The following DOCK4 variants were observed in gnomAD, a reference collection of about 807,000 sequenced individuals.
The protein encoded by DOCK4 is dedicator of cytokinesis protein 4.
DOCK4 carries 97 observed loss-of-function variants against 268.1 expected under a neutral mutation model. The ratio of observed to expected loss-of-function variants is 0.36; its 90% confidence interval spans 0.31 to 0.43. DOCK4 has a LOEUF of 0.43. Among genes scored for constraint, DOCK4 ranks in the 20% least tolerant of loss-of-function variants. DOCK4 has a pLI of 1.00. For synonymous variants in DOCK4, 954 were observed against 887.2 expected (o/e 1.08, Z -1.34); for missense variants, 2,145 against 2,455.7 (o/e 0.87, Z 2.67).
intron 8 of DOCK4, among the ~76,000 whole-genome samples, chr7:111,969,987 C>A (rs1293114939): frequency 2.0e-5 from 3 of 152,178 alleles, no homozygotes; most frequent in Non-Finnish European, 4.4e-5. Flanking sequence ...ATCTCCTCAC[C>A]AGCAAACTCA....
At chr7:112,067,724 A>T (rs1323621144) in intron 1 of DOCK4, among the ~76,000 whole-genome samples, 1 of 152,162 alleles carries the variant, frequency 6.6e-6, no homozygotes, top group Non-Finnish European at 1.5e-5. Flanking sequence ...TGTGGGGAAC[A>T]GGAAAGCTCC....
chr7:111,900,447 T>C lies in DOCK4; in HGVS notation c.1407A>G (p.Glu469=). The change falls in exon 15 of 53, where the codon GAA becomes GAG. Residue 469 remains glutamate, a synonymous_variant. Coordinates refer to ENST00000428084, the MANE Select transcript of DOCK4 (RefSeq NM_001363540.2). The part of the protein sequence containing the change: ...LYHNNSPRWS[E]LLKLPIPVDK... ...CCACAGGAATGGGAAGTTTCAGCAG[T>C]TCAGACCACCTGGGACTGTTGTTAT... 1 of 1,613,486 alleles carries C rather than the reference T, an allele frequency of 6.2e-7. No individual in the cohort carries two copies. Among genetic ancestry groups the C allele is most frequent in the Non-Finnish European group, 8.5e-7 (1 of 1,179,754 alleles).
chr7:111,790,351 G>C (rs775676512), intron 31 of DOCK4, 106 bp downstream of exon 31: 3 of 1,377,350 alleles, frequency 2.2e-6, no homozygotes, highest in Non-Finnish European at 3.0e-6. Flanking sequence ...ATCTAGGTCT[G>C]CTGACCCAGT....
chr7:112,081,060 G>A (rs1808538066), intron 1 of DOCK4, among the ~76,000 whole-genome samples: 2 of 152,132 alleles, frequency 1.3e-5, no homozygotes, highest in South Asian at 4.1e-4. Context: ...GCCACGGATA[G>A]GAGGCTGACA....
chr7:111,871,412 T>C (rs1038674604), intron 20 of DOCK4, among the ~76,000 whole-genome samples: 3 of 152,198 alleles, frequency 2.0e-5, no homozygotes, highest in Non-Finnish European at 4.4e-5. Flanking sequence ...CAGCACCACC[T>C]GAGCCAGTAG....
chr7:111,930,191 A>G (rs1794082419), intron 12 of DOCK4, among the ~76,000 whole-genome samples: 2 of 152,230 alleles, frequency 1.3e-5, no homozygotes, highest in South Asian at 2.1e-4. Context: ...CAACCTAACT[A>G]TATCTAACTG....
intron 8 of DOCK4, 148 bp downstream of exon 8, chr7:111,976,984 C>T: frequency 7.0e-6 from 6 of 855,728 alleles, no homozygotes; most frequent in Non-Finnish European, 1.0e-5. Flanking sequence ...AAAGAACAGG[C>T]AGCTTAGAAA....
chr7:111,953,087 T>C (rs1378339999), intron 8 of DOCK4, among the ~76,000 whole-genome samples: 1 of 151,090 alleles, frequency 6.6e-6, no homozygotes, highest in Non-Finnish European at 1.5e-5. Flanking sequence ...ATTAGCCCGG[T>C]GGGGTGGTGC....
At chr7:112,086,324 A>G (rs1273929911) in intron 1 of DOCK4, among the ~76,000 whole-genome samples, 1 of 152,164 alleles carries the variant, frequency 6.6e-6, no homozygotes, top group East Asian at 1.9e-4. Context: ...TGCACCAGTT[A>G]ACGTCTGTGT....
chr7:111,809,441 A>T, intron 28 of DOCK4, 40 bp from the exon 29 acceptor site: 2 of 1,485,826 alleles, frequency 1.3e-6, no homozygotes, highest in Non-Finnish European at 9.2e-7. Flanking sequence ...ATGGTGTTAC[A>T]AGCATATTGA....
chr7:111,996,556 A>G (rs1586601756), intron 4 of DOCK4, among the ~76,000 whole-genome samples: 1 of 152,294 alleles, frequency 6.6e-6, no homozygotes, highest in African/African-American at 2.4e-5. Flanking sequence ...TTTTCAGGCC[A>G]AAGTTTTTCT....
At position 112,192,368 on chromosome 7, in the gene DOCK4, T is replaced by C. The variant is rs1391769592; in HGVS notation, c.37+13734A>G. On this transcript the variant is annotated intron_variant, in intron 1 of 52. Transcript: ENST00000428084. ...AAATGTGATTCCACTCAGCTGTTTA[T>C]CTTGGGCGATCTTAGCAGCCGGTGA... 2.0e-5 allele frequency among the ~76,000 whole-genome samples: 3 copies of C among 152,146 alleles called. No homozygotes were observed. The East Asian group carries it at 5.8e-4, about 29-fold the overall frequency.
At chr7:111,899,490 G>A (rs10224457) in intron 15 of DOCK4, among the ~76,000 whole-genome samples, 13,212 of 152,196 alleles carry the variant, frequency 0.087, 663 homozygotes, top group South Asian at 0.12. Flanking sequence ...GGGGTAGTTG[G>A]GGGAGAGAGA....
intron 44 of DOCK4, among the ~76,000 whole-genome samples, chr7:111,745,812 T>C (rs1313078152): frequency 6.8e-6 from 1 of 147,558 alleles, no homozygotes; most frequent in Non-Finnish European, 1.5e-5. Flanking sequence ...ACATCCCTAA[T>C]ACAAAAACTG....
chr7:111,999,857 T>C (rs557544788), intron 3 of DOCK4, among the ~76,000 whole-genome samples: 112 of 151,750 alleles, frequency 7.4e-4, no homozygotes, highest in African/African-American at 2.3e-3. Context: ...TAGAGTAAGA[T>C]AGAAAAACAC....
At chr7:111,875,497 G>A (rs1339124411) in intron 17 of DOCK4, among the ~76,000 whole-genome samples, 1 of 152,186 alleles carries the variant, frequency 6.6e-6, no homozygotes, top group East Asian at 1.9e-4. Flanking sequence ...AGAATTAGGA[G>A]GGATTATGTT....
intron 1 of DOCK4, among the ~76,000 whole-genome samples, chr7:112,118,772 G>C (rs968498533): frequency 6.6e-6 from 1 of 151,060 alleles, no homozygotes; most frequent in Admixed American, 6.6e-5. Flanking sequence ...CAAGGGGAGA[G>C]GAAGCAGGAG....
At chr7:112,021,071 A>G (rs1168039127) in intron 1 of DOCK4, among the ~76,000 whole-genome samples, 1 of 152,234 alleles carries the variant, frequency 6.6e-6, no homozygotes, top group Non-Finnish European at 1.5e-5. Context: ...CTGGGGGACG[A>G]ACACTAGAGG....
At chr7:112,054,343 T>G (rs1210518582) in intron 1 of DOCK4, among the ~76,000 whole-genome samples, 1 of 152,134 alleles carries the variant, frequency 6.6e-6, no homozygotes, top group African/African-American at 2.4e-5. Context: ...TTCAAAATGA[T>G]GAGACCTATC....
Sources: gnomAD v4.1 joint callset for allele counts (sites outside exome capture counted in the v4.1 genomes callset) on GRCh38, gnomAD v4.1.1 for gene constraint, MANE v1.5 for transcripts, NCBI Gene and HGNC (gene_info 2026-07-23, HGNC 2026-07-21) for gene names.